GRIK2: variants seen among roughly 807,000 people sequenced by gnomAD.
GRIK2 encodes the protein glutamate receptor ionotropic, kainate 2.
A neutral mutation model predicts 100.3 loss-of-function variants in GRIK2; 32 were observed. The observed-to-expected ratio is 0.32, with a 90% CI of 0.24 to 0.43. The LOEUF is 0.43. Among genes scored for constraint, GRIK2 ranks in the 20% least tolerant of loss-of-function variants. GRIK2 has a pLI of 1.00. For missense variants in GRIK2, 843 were observed against 1,114.9 expected, an observed-to-expected ratio of 0.76 and a Z score of 3.47; for synonymous variants, 417 against 389.4, an observed-to-expected ratio of 1.07 and a Z score of -0.83.
chr6:102,004,552 T>C (rs987350178), intron 14 of GRIK2, among the ~76,000 whole-genome samples: 5 of 151,966 alleles, frequency 3.3e-5, no homozygotes, highest in African/African-American at 7.2e-5. Flanking sequence ...CTAAGATTTA[T>C]GTTTCAAAGT....
intron 10 of GRIK2, among the ~76,000 whole-genome samples, chr6:101,849,800 T>TA (rs1185593507): frequency 2.2e-5 from 3 of 137,480 alleles, no homozygotes; most frequent in East Asian, 3.1e-4. Context: ...GGATGCTATT[T>TA]AAAAAAAGGA....
intron 16 of GRIK2, among the ~76,000 whole-genome samples, chr6:102,064,337 TCTTTC>T (rs879450221): frequency 5.4e-5 from 8 of 148,664 alleles, no homozygotes; most frequent in Non-Finnish European, 7.5e-5. Context: ...TCCTTTCCTT[TCTTTC>T]CTTTCCTCTT....
rs143452337 is a variant in GRIK2, at chr6:101,978,437, ACTGT to A, written c.2085+49807_2085+49810del. Among the ~76,000 whole-genome samples, 332 of 152,052 alleles carry A rather than the reference ACTGT, an allele frequency of 2.2e-3. 1 individual carries two copies. The highest frequency in any genetic ancestry group is 7.7e-3 in the African/African-American group (318 of 41,528). On this transcript the variant is annotated intron_variant, in intron 14 of 16. Transcript: ENST00000369134. ...TTGCTATTGAGTTGTCCTTTTCTTG[ACTGT>A]CAGGCAGTAACCTCATCATATCATT...
chr6:101,838,177 C>T (rs2128432600), intron 10 of GRIK2, among the ~76,000 whole-genome samples: 1 of 152,294 alleles, frequency 6.6e-6, no homozygotes, highest in South Asian at 2.1e-4. Context: ...AATCCTATTT[C>T]CCCTTAACTG....
chr6:102,051,210 T>C (rs1024450453), intron 15 of GRIK2, among the ~76,000 whole-genome samples: 6 of 152,090 alleles, frequency 3.9e-5, no homozygotes, highest in African/African-American at 1.4e-4. Context: ...GGTTTCACTA[T>C]GTAATAACTG....
chr6:101,579,849 T>TAAAA (rs756184787), intron 2 of GRIK2, among the ~76,000 whole-genome samples: 1 of 128,912 alleles, frequency 7.8e-6, no homozygotes, highest in Admixed American at 8.0e-5. Flanking sequence ...GACTGTGTCT[T>TAAAA]AAAAAAAAAA....
At chr6:101,400,066 T>G (rs1034572327) in intron 2 of GRIK2, among the ~76,000 whole-genome samples, 2 of 152,146 alleles carry the variant, frequency 1.3e-5, no homozygotes, top group Non-Finnish European at 2.9e-5. Context: ...TTTTGTTTGT[T>G]TTTAACTTGC....
At position 101,927,294 on chromosome 6, in the gene GRIK2, T is replaced by C. The variant is rs9485563; in HGVS notation, c.1868-1121T>C. 1,680 of 656,408 alleles carry C rather than the reference T, an allele frequency of 2.6e-3. 24 individuals carry two copies. The African/African-American group carries it at 0.031, about 12-fold the overall frequency. The allele number at this position is 656,408 out of a possible 1,614,324, so 40.7% of individuals were successfully genotyped here. ...TTTTATTTTTTATTCCATCTAAAGA[T>C]GTGTTACCTTACTGCATCAGAGATT... On this transcript the variant is annotated intron_variant, in intron 13 of 16. Coordinates refer to ENST00000369134, the MANE Select transcript of GRIK2 (RefSeq NM_021956.5).
chr6:101,869,024 A>C (rs1785223837), intron 11 of GRIK2, among the ~76,000 whole-genome samples: 1 of 151,850 alleles, frequency 6.6e-6, no homozygotes, highest in Non-Finnish European at 1.5e-5. Context: ...TGTCAAGGGA[A>C]AGGGTCAGGG....
At chr6:101,940,710 G>A in intron 14 of GRIK2, among the ~76,000 whole-genome samples, 1 of 152,050 alleles carries the variant, frequency 6.6e-6, no homozygotes, top group East Asian at 1.9e-4. Context: ...ATCAAAAGTA[G>A]TAGTGTACTC....
At chr6:101,689,003 A>G (rs916735145) in intron 7 of GRIK2, among the ~76,000 whole-genome samples, 1 of 151,974 alleles carries the variant, frequency 6.6e-6, no homozygotes, top group East Asian at 1.9e-4. Flanking sequence ...AAACCAATTG[A>G]GTTCTGTATT....
chr6:101,771,707 G>A (rs1367971287), intron 7 of GRIK2, among the ~76,000 whole-genome samples: 1 of 118,152 alleles, frequency 8.5e-6, no homozygotes, highest in Non-Finnish European at 1.6e-5. Flanking sequence ...AACAGTCCCT[G>A]TTGTGTGATG....
At chr6:102,048,111 A>T (rs1358091832) in intron 15 of GRIK2, among the ~76,000 whole-genome samples, 1 of 151,314 alleles carries the variant, frequency 6.6e-6, no homozygotes, top group Non-Finnish European at 1.5e-5. Flanking sequence ...CCCAATGGAA[A>T]AAAACAGTTC....
intron 2 of GRIK2, among the ~76,000 whole-genome samples, chr6:101,559,013 G>A (rs915153120): frequency 3.3e-5 from 5 of 152,080 alleles, no homozygotes; most frequent in Admixed American, 2.6e-4. Context: ...CCAAGAGGAG[G>A]TATTATACTA....
chr6:101,861,454 G>A (rs751411877), intron 11 of GRIK2, among the ~76,000 whole-genome samples: 51 of 152,122 alleles, frequency 3.4e-4, no homozygotes, highest in Non-Finnish European at 5.1e-4. Context: ...ATCCTTTGCT[G>A]TCACAAATAT....
chr6:101,704,648 A>G (rs1773129444), intron 7 of GRIK2, among the ~76,000 whole-genome samples: 2 of 151,622 alleles, frequency 1.3e-5, no homozygotes, highest in African/African-American at 4.8e-5. Context: ...GTCTTTTTTC[A>G]GAATATGTAG....
At chr6:101,814,433 G>A (rs568715342) in intron 9 of GRIK2, among the ~76,000 whole-genome samples, 2 of 151,906 alleles carry the variant, frequency 1.3e-5, no homozygotes, top group Admixed American at 6.6e-5. Context: ...GTAAAACAAA[G>A]TAATTGAAAT....
intron 7 of GRIK2, among the ~76,000 whole-genome samples, chr6:101,713,981 T>C (rs1330369551): frequency 1.3e-5 from 2 of 151,798 alleles, no homozygotes; most frequent in Admixed American, 1.3e-4. Flanking sequence ...ACACTTTTTA[T>C]TTAAATTGTC....
chr6:101,531,937 C>T (rs1432692815), intron 2 of GRIK2, among the ~76,000 whole-genome samples: 1 of 151,972 alleles, frequency 6.6e-6, no homozygotes, highest in Non-Finnish European at 1.5e-5. Context: ...ATTGCAATAA[C>T]TTACCAAGTT....
Sources: allele counts gnomAD v4.1 joint callset (sites outside exome capture counted in the v4.1 genomes callset), GRCh38; gene constraint gnomAD v4.1.1; transcripts MANE v1.5; gene names NCBI Gene and HGNC (gene_info 2026-07-23, HGNC 2026-07-21).